PCYT1A: variants seen among roughly 807,000 people sequenced by gnomAD.
The protein encoded by PCYT1A is choline-phosphate cytidylyltransferase A.
Under a neutral mutation model 43.7 loss-of-function variants are expected in PCYT1A, and 25 were observed. That is an observed-to-expected ratio of 0.57 (90% CI 0.42 to 0.80). The LOEUF (loss-of-function observed/expected upper bound fraction) is 0.80. Among genes scored for constraint, PCYT1A ranks in the 30% least tolerant of loss-of-function variants. The probability of loss-of-function intolerance (pLI) is 0.00; values close to 1 mark genes in which losing one functional copy is unlikely to be tolerated. For synonymous variants in PCYT1A, 172 were observed against 170.7 expected, an observed-to-expected ratio of 1.01 and a Z score of -0.06; for missense variants, 421 against 474.2, an observed-to-expected ratio of 0.89 and a Z score of 1.04.
At position 196,252,814 on chromosome 3, in the gene PCYT1A, G is replaced by A. The variant is rs534178533; in HGVS notation, c.218-4491C>T. Among the ~76,000 whole-genome samples the A allele has an allele frequency of 1.4e-4, 21 of 152,060 alleles. No individual in the cohort carries two copies. The East Asian group carries it at 4.1e-3, about 29-fold the overall frequency. On this transcript the variant is annotated intron_variant, in intron 3 of 8. Transcript: ENST00000431016. The surrounding 1 kb of genome is among the most constrained non-coding windows in gnomAD (Gnocchi z 4.0). ...AGACCAAGGTAGGAGGACTGCTTGAGCCCAGGAGTCTGAGACCAGCCTGGG... is the reference window on the plus strand; with the variant it reads ...AGACCAAGGTAGGAGGACTGCTTGAACCCAGGAGTCTGAGACCAGCCTGGG...
intron 5 of PCYT1A, among the ~76,000 whole-genome samples, chr3:196,243,852 C>A (rs1724451628): frequency 6.6e-6 from 1 of 152,278 alleles, no homozygotes; most frequent in African/African-American, 2.4e-5. Context: ...GCTGCCCAGG[C>A]TGGAGTGCAG....
intron 7 of PCYT1A, 141 bp downstream of exon 7, chr3:196,241,807 G>T: frequency 8.3e-7 from 1 of 1,204,882 alleles, no homozygotes; most frequent in Non-Finnish European, 1.2e-6. Flanking sequence ...TTTGTGAACA[G>T]TTAACATAGT....
chr3:196,261,555 C>T (rs930382213), intron 2 of PCYT1A, among the ~76,000 whole-genome samples: 2 of 151,972 alleles, frequency 1.3e-5, no homozygotes, highest in African/African-American at 2.4e-5. Context: ...TTTGGGAGGC[C>T]GAGGCGGGTA....
intron 3 of PCYT1A, among the ~76,000 whole-genome samples, chr3:196,249,998 GTACACCATGCCGAGGCTGAGGACCAGA>G (rs1724699453): frequency 7.6e-5 from 10 of 131,014 alleles, no homozygotes; most frequent in East Asian, 2.3e-4. Flanking sequence ...TGAGGATCAG[GTACACCATGCCGAGGCTGAGGACCAGA>G]TACACCATGC....
At chr3:196,279,309 G>C (rs1725684637) in intron 1 of PCYT1A, among the ~76,000 whole-genome samples, 2 of 137,482 alleles carry the variant, frequency 1.5e-5, no homozygotes, top group South Asian at 4.6e-4. Flanking sequence ...AAAAAGGGCT[G>C]ACAGCCAGAA....
At chr3:196,269,161 T>C (rs1725362519) in intron 2 of PCYT1A, among the ~76,000 whole-genome samples, 1 of 152,260 alleles carries the variant, frequency 6.6e-6, no homozygotes, top group Admixed American at 6.5e-5. Flanking sequence ...TTCATTTGTA[T>C]ATTTGTATTA....
intron 2 of PCYT1A, among the ~76,000 whole-genome samples, chr3:196,259,123 TTC>T (rs1725032743): frequency 6.6e-6 from 1 of 152,160 alleles, no homozygotes; most frequent in Non-Finnish European, 1.5e-5. Context: ...GCTCAAGCAA[TTC>T]TCTCACCTCA....
intron 2 of PCYT1A, chr3:196,267,414 G>T (rs1490784627): frequency 2.3e-6 from 1 of 442,500 alleles, no homozygotes; most frequent in Non-Finnish European, 4.5e-6. Context: ...CCTTCTTTCT[G>T]GGGTGATAAA....
chr3:196,243,958 C>T (rs1288682187), intron 5 of PCYT1A, among the ~76,000 whole-genome samples: 7 of 151,410 alleles, frequency 4.6e-5, no homozygotes, highest in South Asian at 2.1e-4. Context: ...GCCGCCACCC[C>T]GTCTGGGAAG....
chr3:196,238,362 A>T lies in PCYT1A; in HGVS notation c.*326T>A, dbSNP rs924016786. ...GGCAAAAAATTAGTTCTACATTTGA[A>T]AGACGAATTTTTTAAAAAATTAATG... On this transcript the variant is annotated 3_prime_UTR_variant, in exon 9 of 9. Transcript: ENST00000431016. 5.2e-6 allele frequency: 1 copy of T among 190,710 alleles called. No individual in the cohort carries two copies. 11.8% of individuals were successfully genotyped at this position (190,710 alleles called of 1,614,324 possible).
chr3:196,244,415 G>A (rs560980602), intron 5 of PCYT1A, among the ~76,000 whole-genome samples: 5 of 151,176 alleles, frequency 3.3e-5, no homozygotes, highest in South Asian at 2.1e-4. Flanking sequence ...CCACTGCCCC[G>A]CCGCCCCGTT....
At chr3:196,244,461 C>T (rs528188372) in intron 5 of PCYT1A, among the ~76,000 whole-genome samples, 11 of 151,726 alleles carry the variant, frequency 7.2e-5, no homozygotes, top group African/African-American at 1.9e-4. Flanking sequence ...GGCCGCGACC[C>T]GGTCTGGGAA....
At chr3:196,261,857 A>G (rs1014508888) in intron 2 of PCYT1A, among the ~76,000 whole-genome samples, 9 of 152,066 alleles carry the variant, frequency 5.9e-5, no homozygotes, top group African/African-American at 1.9e-4. Flanking sequence ...TCTTTCTCAC[A>G]TACTGTGTAT....
chr3:196,242,225 A>ATAC lies in PCYT1A; in HGVS notation c.566-136_566-135insGTA. 1 of 880,864 alleles carries ATAC rather than the reference A, an allele frequency of 1.1e-6. No individual in the cohort carries two copies. The highest frequency in any genetic ancestry group is 1.6e-5 in the South Asian group (1 of 64,440). 54.6% of individuals were successfully genotyped at this position (880,864 alleles called of 1,614,324 possible). A position where few individuals can be genotyped will look rare whatever the true frequency, so the allele number is the denominator to read the frequency against. ...ATCTGTTATTACTAAATGAAACTGAAAGATACTGATATACAGAAGGTAGAC... is the reference window on the plus strand; with the variant it reads ...ATCTGTTATTACTAAATGAAACTGAATACAGATACTGATATACAGAAGGTAGAC... On this transcript the variant is annotated intron_variant, in intron 6 of 8. Coordinates refer to ENST00000431016, the MANE Select transcript of PCYT1A (RefSeq NM_001312673.2). The surrounding 1 kb of genome is among the most constrained non-coding windows in gnomAD (Gnocchi z 4.2).
At position 196,252,182 on chromosome 3, in the gene PCYT1A, G is replaced by A. The variant is rs766567680; in HGVS notation, c.218-3859C>T. 3.9e-4 allele frequency among the ~76,000 whole-genome samples: 59 copies of A among 152,294 alleles called. No homozygotes were observed. Among genetic ancestry groups the A allele is most frequent in the Non-Finnish European group, 6.5e-4 (44 of 68,028 alleles). On this transcript the variant is annotated intron_variant, in intron 3 of 8. Transcript: ENST00000431016. This position sits in a 1 kb window ranked among gnomAD's most constrained non-coding sequence, Gnocchi z 4.0. ...CACTGGCTACAGCGCACACCACTACGCTCAGCTGATTTTTGTATTTTTTGT... is the reference window on the plus strand; with the variant it reads ...CACTGGCTACAGCGCACACCACTACACTCAGCTGATTTTTGTATTTTTTGT...
Position 196,268,913 on chromosome 3 carries a change from T to C in PCYT1A, c.117+1502A>G, listed in dbSNP as rs944357520. 1.3e-5 allele frequency among the ~76,000 whole-genome samples: 2 copies of C among 152,232 alleles called. No homozygotes were observed. Among genetic ancestry groups the C allele is most frequent in the Non-Finnish European group, 2.9e-5 (2 of 68,032 alleles). ...ATACCGAACGTAATCACAAGAGTCC[T>C]TGTAAGTGAAAAGGGGAAGTAGGAG... On this transcript the variant is annotated intron_variant, in intron 2 of 8. Transcript: ENST00000431016. The surrounding 1 kb of genome is among the most constrained non-coding windows in gnomAD (Gnocchi z 4.4).
intron 5 of PCYT1A, among the ~76,000 whole-genome samples, chr3:196,244,419 C>A (rs1419342905): frequency 1.3e-5 from 2 of 151,448 alleles, no homozygotes; most frequent in Non-Finnish European, 2.9e-5. Context: ...TGCCCCGCCG[C>A]CCCGTTTGGG....
chr3:196,247,406 C>T lies in PCYT1A; in HGVS notation c.447G>A (p.Ala149=), dbSNP rs148164659. 33 of 1,614,088 alleles carry T rather than the reference C, an allele frequency of 2.0e-5. No homozygotes were observed. The highest frequency in any genetic ancestry group is 6.7e-5 in the Admixed American group (4 of 60,010). Residue 149 remains alanine, a synonymous_variant, in exon 5 of 9, where the codon GCG becomes GCA. Transcript: ENST00000431016. The surrounding 1 kb of genome is among the most constrained non-coding windows in gnomAD (Gnocchi z 4.8). ...CRYVDEVVRN[A]PWTLTPEFLA... ...GGAACTCGGGTGTCAGCGTCCAGGG[C>T]GCATTCCTCACCACCTCATCCACGT...
rs746925431 is a variant in PCYT1A, at chr3:196,270,403, A to G, written c.117+12T>C. 5.1e-6 allele frequency: 8 copies of G among 1,557,560 alleles called. No individual in the cohort carries two copies. In the South Asian group the frequency reaches 8.9e-5, roughly 17 times the overall value. On this transcript the variant is annotated intron_variant, in intron 2 of 8. Coordinates refer to ENST00000431016, the MANE Select transcript of PCYT1A (RefSeq NM_001312673.2). ...TTTCTACCCTCCCCCTGCCAGGTTA[A>G]TCTCCACTTACCACTGCACAGCGCT...
Sources: gnomAD v4.1 joint callset for allele counts (sites outside exome capture counted in the v4.1 genomes callset) on GRCh38, gnomAD v4.1.1 for gene constraint, Gnocchi (gnomAD v3.1) non-coding constraint, MANE v1.5 for transcripts, NCBI Gene and HGNC (gene_info 2026-07-23, HGNC 2026-07-21) for gene names.